The following PXDNL variants were observed in gnomAD, a reference collection of about 807,000 sequenced individuals.
PXDNL encodes the protein peroxidasin like, also known as probable oxidoreductase PXDNL.
In PXDNL, 145 loss-of-function variants were observed where a neutral mutation model predicts 150.8. The ratio of observed to expected loss-of-function variants is 0.96; its 90% CI spans 0.84 to 1.10. The LOEUF is 1.10. PXDNL is among the 50% of genes least tolerant of loss of function. The pLI, the probability that PXDNL is intolerant of heterozygous loss-of-function variation, is 0.00. For synonymous variants in PXDNL, 757 were observed against 725.7 expected, an observed-to-expected ratio of 1.04 and a Z score of -0.69; for missense variants, 2,087 against 1,873.9, an observed-to-expected ratio of 1.11 and a Z score of -2.10.
intron 5 of PXDNL, among the ~76,000 whole-genome samples, chr8:51,494,996 C>T (rs1362358037): frequency 6.6e-6 from 1 of 152,130 alleles, no homozygotes; most frequent in Non-Finnish European, 1.5e-5. Flanking sequence ...AGCACCACAC[C>T]ACACCTATTC....
At chr8:51,577,999 GAGGAAGGA>G (rs200324232) in intron 3 of PXDNL, among the ~76,000 whole-genome samples, 377 of 31,498 alleles carry the variant, frequency 0.012, 21 homozygotes, top group African/African-American at 0.016. Context: ...AAGAAAGAAA[GAGGAAGGA>G]AGGAAGGAAG....
At chr8:51,615,132 A>C (rs938900793) in intron 2 of PXDNL, among the ~76,000 whole-genome samples, 3 of 152,212 alleles carry the variant, frequency 2.0e-5, no homozygotes, top group African/African-American at 7.2e-5. Context: ...GTTAATCTCT[A>C]TGTTGTAAAT....
rs1472820002 is a variant in PXDNL, at chr8:51,809,268, C to A, written c.77G>T (p.Ser26Ile). 6.2e-7 allele frequency: 1 copy of A among 1,603,700 alleles called. No homozygotes were observed. The highest frequency in any genetic ancestry group is 1.7e-5 in the Admixed American group (1 of 57,908). ...GGTGCTCTTAAAGCAAAGGCACCGG[C>A]TGGGGCAGGGCAACCCTGGCAGGCA... is the stretch of plus-strand genomic sequence containing the variant. Reference protein sequence around the residue: ...GWCLPGLPCPSRCLCFKSTVR... With the variant: ...GWCLPGLPCPIRCLCFKSTVR... The change falls in exon 1 of 23, where the codon AGC (serine) becomes ATC (isoleucine). Residue 26 changes from serine to isoleucine, a missense_variant. By Grantham distance (142) the Ser-to-Ile change is moderately radical. Transcript: ENST00000356297.
At chr8:51,752,315 AC>A (rs2037053544) in intron 1 of PXDNL, among the ~76,000 whole-genome samples, 1 of 151,776 alleles carries the variant, frequency 6.6e-6, no homozygotes, top group Non-Finnish European at 1.5e-5. Flanking sequence ...GTTTCTTCAG[AC>A]CCCCAATAAA....
intron 5 of PXDNL, among the ~76,000 whole-genome samples, chr8:51,497,877 T>A (rs1342874170): frequency 1.3e-5 from 2 of 152,180 alleles, no homozygotes; most frequent in Non-Finnish European, 2.9e-5. Context: ...GTGTGGTGAT[T>A]CCTCAGGGAT....
rs570817573 is a variant in PXDNL at position 51,703,955 on chromosome 8, A to G, written c.165-49195T>C. ...TTTTATCTGTGTTTTAGTTGGGAAAAAAACTATTATCACAAGTCTTTCCGA... is the reference window on the plus strand; with the variant it reads ...TTTTATCTGTGTTTTAGTTGGGAAAGAAACTATTATCACAAGTCTTTCCGA... On this transcript the variant is annotated intron_variant, in intron 1 of 22. Transcript: ENST00000356297. Among the ~76,000 whole-genome samples the G allele has an allele frequency of 6.6e-5, 10 of 152,330 alleles. No homozygotes were observed. The East Asian group carries it at 1.3e-3, about 21-fold the overall frequency.
chr8:51,532,861 A>T (rs1220909006), intron 4 of PXDNL, among the ~76,000 whole-genome samples: 7 of 152,232 alleles, frequency 4.6e-5, no homozygotes, highest in African/African-American at 1.7e-4. Flanking sequence ...GAGGTACCAT[A>T]CTAACTCCCA....
chr8:51,739,771 G>A (rs111381450), intron 1 of PXDNL, among the ~76,000 whole-genome samples: 2,909 of 151,722 alleles, frequency 0.019, 40 homozygotes, highest in Middle Eastern at 0.041. Flanking sequence ...AGCTACTCAG[G>A]AGGCTGAGGC....
At chr8:51,642,156 T>C (rs555327197) in intron 2 of PXDNL, among the ~76,000 whole-genome samples, 1 of 144,454 alleles carries the variant, frequency 6.9e-6, no homozygotes, top group South Asian at 2.2e-4. Flanking sequence ...AATTGAACAA[T>C]GAGAACACAT....
Position 51,408,495 on chromosome 8 carries a change from GCCT to G in PXDNL, c.3126_3128del (p.Gly1043del). 1 of 1,613,540 alleles carries G rather than the reference GCCT, an allele frequency of 6.2e-7. No individual in the cohort carries two copies. ...CTGCAGTAGCAAAAGAGTTAATGAT[GCCT>G]GCATTCACGTTGGGGTTGTAGCCTC... On this transcript the variant is annotated inframe_deletion, in exon 17 of 23. Transcript: ENST00000356297.
At chr8:51,573,468 A>T (rs914794733) in intron 3 of PXDNL, among the ~76,000 whole-genome samples, 1 of 151,962 alleles carries the variant, frequency 6.6e-6, no homozygotes, top group African/African-American at 2.4e-5. Flanking sequence ...AGCAGTGATG[A>T]TGCCACCCCC....
rs191387743 is a variant in PXDNL at position 51,773,120 on chromosome 8, C to T, written c.164+36061G>A. ...AGGATGAACTATGGATATATGCAAA[C>T]CCACACATTTGAAAACAAAAGCACT... On this transcript the variant is annotated intron_variant, in intron 1 of 22. Coordinates refer to ENST00000356297, the MANE Select transcript of PXDNL (RefSeq NM_144651.5). Among the ~76,000 whole-genome samples the T allele has an allele frequency of 2.0e-5, 3 of 152,288 alleles. No individual in the cohort carries two copies. In the East Asian group the frequency reaches 5.8e-4, roughly 29 times the overall value.
At chr8:51,421,231 G>A (rs1808942636) in intron 14 of PXDNL, among the ~76,000 whole-genome samples, 1 of 152,086 alleles carries the variant, frequency 6.6e-6, no homozygotes, top group African/African-American at 2.4e-5. Flanking sequence ...TATAAATTCT[G>A]TAATAATTTT....
chr8:51,651,777 T>C (rs1815042717), intron 2 of PXDNL, among the ~76,000 whole-genome samples: 1 of 152,160 alleles, frequency 6.6e-6, no homozygotes, highest in Admixed American at 6.6e-5. Flanking sequence ...TTTGAGCCTG[T>C]TTCCCAAATG....
Position 51,408,239 on chromosome 8 carries a change from CGGA to C in PXDNL, c.3382_3384del (p.Ser1128del), listed in dbSNP as rs753749557. 7.9e-5 allele frequency: 127 copies of C among 1,613,864 alleles called. No homozygotes were observed. The highest frequency in any genetic ancestry group is 1.0e-4 in the Non-Finnish European group (119 of 1,179,906). Reference sequence around the variant, plus strand: ...GAATCCACGGCCGCAGAATAAGCCGCGGAGAAGAGCCTCTGGGTCAGCTCAGGA... The same window carrying C: ...GAATCCACGGCCGCAGAATAAGCCGCGAAGAGCCTCTGGGTCAGCTCAGGA... On this transcript the variant is annotated inframe_deletion, in exon 17 of 23. Transcript: ENST00000356297.
intron 1 of PXDNL, among the ~76,000 whole-genome samples, chr8:51,696,120 T>C (rs1430035818): frequency 1.3e-5 from 2 of 152,180 alleles, no homozygotes; most frequent in Non-Finnish European, 2.9e-5. Context: ...GCAATGAAAA[T>C]AGCACTGGTT....
chr8:51,674,001 T>C (rs868209075), intron 1 of PXDNL, among the ~76,000 whole-genome samples: 2 of 152,352 alleles, frequency 1.3e-5, no homozygotes, highest in Middle Eastern at 3.4e-3. Flanking sequence ...GACTAAAAAC[T>C]TGAAGCTGCA....
chr8:51,351,653 G>A (rs138798733), intron 19 of PXDNL, among the ~76,000 whole-genome samples: 270 of 152,272 alleles, frequency 1.8e-3, no homozygotes, highest in African/African-American at 6.3e-3. Context: ...TGGCCAGAAT[G>A]CAGGACTCCT....
chr8:51,650,883 A>C (rs1475140265), intron 2 of PXDNL, among the ~76,000 whole-genome samples: 11 of 152,228 alleles, frequency 7.2e-5, no homozygotes, highest in African/African-American at 2.7e-4. Context: ...TACAAGCTTT[A>C]CAAAAAAAGC....
Sources: allele counts gnomAD v4.1 joint callset (sites outside exome capture counted in the v4.1 genomes callset), GRCh38; gene constraint gnomAD v4.1.1; transcripts MANE v1.5; gene names NCBI Gene and HGNC (gene_info 2026-07-23, HGNC 2026-07-21).